The following TTC31 variants were observed in gnomAD, a reference collection of about 807,000 sequenced individuals.
TTC31 encodes the protein tetratricopeptide repeat domain 31, also known as tetratricopeptide repeat protein 31.
TTC31 carries 59 observed loss-of-function variants against 60.4 expected under a neutral mutation model. The observed-to-expected ratio is 0.98, with a 90% confidence interval of 0.79 to 1.21. TTC31 has a LOEUF of 1.21. Ranked by LOEUF, TTC31 falls within the 50% of genes most tolerant of loss-of-function variation. The probability of loss-of-function intolerance (pLI) is 0.00; values close to 1 mark genes in which losing one functional copy is unlikely to be tolerated. For missense variants in TTC31, 672 were observed against 646.9 expected (o/e 1.04, Z -0.42); for synonymous variants, 225 against 249.6 (o/e 0.90, Z 0.93).
intron 2 of TTC31, among the ~76,000 whole-genome samples, chr2:74,488,786 C>T (rs1486793234): frequency 2.0e-5 from 3 of 152,104 alleles, no homozygotes; most frequent in African/African-American, 2.4e-5. Context: ...AATAGTCGGC[C>T]GGGCACAGGG....
At chr2:74,483,279 T>C (rs774211184) in intron 1 of TTC31, 43 bp from the exon 2 acceptor site, 2 of 1,613,396 alleles carry the variant, frequency 1.2e-6, no homozygotes, top group Non-Finnish European at 1.7e-6. Context: ...CTAGCCCATC[T>C]GTCCCGAGCC....
At chr2:74,483,580 G>A (rs934495059) in intron 2 of TTC31, 170 bp downstream of exon 2, 2 of 1,482,396 alleles carry the variant, frequency 1.3e-6, no homozygotes, top group South Asian at 1.3e-5. Flanking sequence ...GAGGGGCAGG[G>A]GATCAGGAGG....
chr2:74,490,151 C>T, intron 3 of TTC31, 24 bp downstream of exon 3: 1 of 1,608,800 alleles, frequency 6.2e-7, no homozygotes, highest in African/African-American at 1.3e-5. Flanking sequence ...GGACCGGGCC[C>T]AGGGATCGAG....
intron 4 of TTC31, 64 bp downstream of exon 4, chr2:74,490,537 C>T: frequency 6.5e-7 from 1 of 1,529,340 alleles, no homozygotes; most frequent in Non-Finnish European, 8.9e-7. Flanking sequence ...TATCCCCATC[C>T]CTATATTCTC....
In TTC31 at chr2:74,490,738, A is replaced by G; in HGVS notation, c.545A>G (p.Lys182Arg). The change falls in exon 5 of 13, where the codon AAG becomes AGG. Residue 182 changes from lysine to arginine, a missense_variant and splice_region_variant. Lys to Arg is a conservative substitution (Grantham distance 26, BLOSUM62 2). Coordinates refer to ENST00000233623, the MANE Select transcript of TTC31 (RefSeq NM_022492.6). The part of the protein sequence containing the change: ...QKAEKKRLKK[K>R]RQKERKRQER... ...GCAGAGAAAAAGCGACTCAAGAAGA[A>G]GGTGGCTAGAGCATGGCTGGAGGGT... 1 of 1,612,350 alleles carries G rather than the reference A, an allele frequency of 6.2e-7. No individual in the cohort carries two copies.
At chr2:74,488,504 G>C (rs1452415849) in intron 2 of TTC31, among the ~76,000 whole-genome samples, 1 of 152,204 alleles carries the variant, frequency 6.6e-6, no homozygotes, top group Non-Finnish European at 1.5e-5. Context: ...CTGAGGAAAT[G>C]ACTCCCATCA....
chr2:74,490,490 A>G lies in TTC31; in HGVS notation c.462+17A>G, dbSNP rs1445475419. Reference sequence around the variant, plus strand: ...ACAGAAGAGGTGAGATTCTCAGGAGAGGGCTTTGCCGTCCCCCAGGGTTCT... The same window carrying G: ...ACAGAAGAGGTGAGATTCTCAGGAGGGGGCTTTGCCGTCCCCCAGGGTTCT... On this transcript the variant is annotated intron_variant, in intron 4 of 12. Coordinates refer to ENST00000233623, the MANE Select transcript of TTC31 (RefSeq NM_022492.6). 2 of 1,585,180 alleles carry G rather than the reference A, an allele frequency of 1.3e-6. No homozygotes were observed. The highest frequency in any genetic ancestry group is 3.6e-5 in the Admixed American group (2 of 55,348).
At chr2:74,491,871 C>T in intron 8 of TTC31, 133 bp from the exon 9 acceptor site, 3 of 1,485,380 alleles carry the variant, frequency 2.0e-6, no homozygotes, top group Non-Finnish European at 2.8e-6. Flanking sequence ...GGGCTGATAC[C>T]ATCTTGTAGG....
rs780699734 is a variant in TTC31 at position 74,492,949 on chromosome 2, C to T, written c.1291C>T (p.Pro431Ser). 2 of 1,611,966 alleles carry T rather than the reference C, an allele frequency of 1.2e-6. No individual in the cohort carries two copies. Among genetic ancestry groups the T allele is most frequent in the African/African-American group, 2.7e-5 (2 of 74,894 alleles). ...LQGQRGGICA[P>S]PLSPGALQPL... is the part of the protein sequence containing the mutation. Reference sequence around the variant, plus strand: ...GGGTCAGCGAGGAGGAATCTGTGCACCACCTCTGTCACCTGGGGCCCTCCA... The same window carrying T: ...GGGTCAGCGAGGAGGAATCTGTGCATCACCTCTGTCACCTGGGGCCCTCCA... Residue 431 changes from proline (P) to serine (S), a missense_variant, in exon 13 of 13, where the codon CCA (proline) becomes TCA (serine). Physicochemically the swap from Pro to Ser is moderately conservative, Grantham distance 74. Transcript: ENST00000233623.
intron 2 of TTC31, among the ~76,000 whole-genome samples, chr2:74,484,109 C>T (rs374565803): frequency 3.3e-5 from 5 of 151,458 alleles, no homozygotes; most frequent in African/African-American, 1.2e-4. Flanking sequence ...TGGTGGTGTG[C>T]GCCTGTAATC....
chr2:74,489,314 CA>C lies in TTC31; in HGVS notation c.130-709del, dbSNP rs141374893. Among the ~76,000 whole-genome samples, 1,031 of 152,200 alleles carry C rather than the reference CA, an allele frequency of 6.8e-3. 6 individuals carry two copies. Among genetic ancestry groups the C allele is most frequent in the African/African-American group, 0.021 (878 of 41,526 alleles). On this transcript the variant is annotated intron_variant, in intron 2 of 12. Transcript: ENST00000233623. The stretch of plus-strand genomic sequence containing the variant: ...TGAGGCAAGATGTGAGAAAGAAGCT[CA>C]AGAGTTAGGAGGGATTGGAGAGCAG...
rs1323432511 is a variant in TTC31 at position 74,492,370 on chromosome 2, C to A, written c.1086C>A (p.Ala362=). ...LGQPAWALAD[A]QVALTLRPGW... ...AGCCAGCGTGGGCCCTGGCTGATGC[C>A]CAGGTGGCCCTTACCCTACGGCCTG... Residue 362 remains alanine, a synonymous_variant, in exon 11 of 13, where the codon GCC becomes GCA. Transcript: ENST00000233623. The A allele has an allele frequency of 1.3e-6, 2 of 1,546,916 alleles. No homozygotes were observed. The highest frequency in any genetic ancestry group is 2.7e-5 in the African/African-American group (2 of 72,790).
intron 2 of TTC31, chr2:74,483,735 G>C: frequency 1.6e-6 from 1 of 608,078 alleles, no homozygotes; most frequent in Non-Finnish European, 2.4e-6. Flanking sequence ...TCAACACTTT[G>C]GGAGGCTGAG....
chr2:74,491,974 G>T, intron 8 of TTC31, 30 bp from the exon 9 acceptor site: 1 of 1,614,122 alleles, frequency 6.2e-7, no homozygotes, highest in South Asian at 1.1e-5. Context: ...GAGACCTCAA[G>T]ACCTGCTTGA....
At position 74,491,497 on chromosome 2, in the gene TTC31, C is replaced by G. The variant is rs1308285567; in HGVS notation, c.701C>G (p.Ser234Cys). The G allele has an allele frequency of 6.2e-7, 1 of 1,607,380 alleles. No homozygotes were observed. Among genetic ancestry groups the G allele is most frequent in the East Asian group, 2.2e-5 (1 of 44,588 alleles). ...TGTTCACAGGACTCACTGGATCTAT[C>G]TAGCACTTTTGTGTCTCTGGCTTTG... ...CGEEEDSLDL[S>C]STFVSLALRK... Residue 234 changes from serine to cysteine, a missense_variant, in exon 8 of 13, where the codon TCT becomes TGT. Ser to Cys is a moderately radical substitution (Grantham distance 112). Transcript: ENST00000233623.
At chr2:74,491,733 G>C (rs1199444932) in intron 8 of TTC31, 61 bp downstream of exon 8, 8 of 1,567,130 alleles carry the variant, frequency 5.1e-6, no homozygotes, top group Non-Finnish European at 7.0e-6. Context: ...GGAGCTGCTG[G>C]GGAGGCACAG....
intron 10 of TTC31, 23 bp downstream of exon 10, chr2:74,492,252 C>T (rs548140540): frequency 1.2e-6 from 2 of 1,614,126 alleles, no homozygotes; most frequent in East Asian, 2.2e-5. Flanking sequence ...TTGGCCAGGG[C>T]AGGGCAGAGT....
rs1318197531 is a variant in TTC31, at chr2:74,490,266, T to C, written c.255T>C (p.Asp85=). ...CAGATTACCTCCTGGGCCACTTGGA[T>C]GATGAAGGGAAATCAACTGGACAGA... The part of the protein sequence containing the change: ...WHHDYLLGHL[D]DEGKSTGQSD... Residue 85 remains aspartate (D), a synonymous_variant, in exon 4 of 13, where the codon GAT becomes GAC. Coordinates refer to ENST00000233623, the MANE Select transcript of TTC31 (RefSeq NM_022492.6). The C allele has an allele frequency of 1.9e-6, 3 of 1,613,984 alleles. No individual in the cohort carries two copies. The Admixed American group carries it at 5.0e-5, about 27-fold the overall frequency.
intron 2 of TTC31, among the ~76,000 whole-genome samples, chr2:74,488,169 G>A (rs1264376660): frequency 6.6e-6 from 1 of 152,180 alleles, no homozygotes; most frequent in African/African-American, 2.4e-5. Context: ...CAGTTAGGAA[G>A]GTGACACAAA....
Sources: allele counts gnomAD v4.1 joint callset (sites outside exome capture counted in the v4.1 genomes callset), GRCh38; gene constraint gnomAD v4.1.1; transcripts MANE v1.5; gene names NCBI Gene and HGNC (gene_info 2026-07-23, HGNC 2026-07-21).